The following TAF5L variants were observed in gnomAD, a reference collection of about 807,000 sequenced individuals.
The protein encoded by TAF5L is TAF5-like RNA polymerase II p300/CBP-associated factor-associated factor 65 kDa subunit 5L.
In TAF5L, 7 loss-of-function variants were observed where a neutral mutation model predicts 51.3. The observed-to-expected ratio is 0.14, with a 90% confidence interval of 0.08 to 0.26. The LOEUF (loss-of-function observed/expected upper bound fraction) is 0.26, where lower values mean the gene tolerates loss of function less well. Ranked by LOEUF, TAF5L falls within the 10% of genes least tolerant of loss-of-function variation. The pLI is 1.00. For missense variants in TAF5L, 575 were observed against 758.9 expected, an observed-to-expected ratio of 0.76 and a Z score of 2.85; for synonymous variants, 291 against 308.1, an observed-to-expected ratio of 0.94 and a Z score of 0.58.
At chr1:229,620,209 C>T (rs1665154377) in intron 1 of TAF5L, among the ~76,000 whole-genome samples, 1 of 152,064 alleles carries the variant, frequency 6.6e-6, no homozygotes, top group South Asian at 2.1e-4. Context: ...TGACTGTTTG[C>T]TATTTGACAG....
At chr1:229,606,276 C>G in intron 3 of TAF5L, 1 of 847,854 alleles carries the variant, frequency 1.2e-6, no homozygotes, top group Non-Finnish European at 1.4e-6. Context: ...TATTCCCTTG[C>G]AATCTAACAT....
At chr1:229,609,848 T>C (rs12060575) in intron 3 of TAF5L, among the ~76,000 whole-genome samples, 1,949 of 152,302 alleles carry the variant, frequency 0.013, 42 homozygotes, top group African/African-American at 0.045. Flanking sequence ...TTAAACCTCG[T>C]GATTGAACTC....
intron 4 of TAF5L, chr1:229,601,232 T>C: frequency 1.0e-6 from 1 of 985,426 alleles, no homozygotes; most frequent in South Asian, 4.7e-5. Flanking sequence ...TGGTTTAATT[T>C]AGGGCACCCA....
Position 229,594,197 on chromosome 1 carries a change from G to C in TAF5L, c.*100C>G. 7.6e-7 allele frequency: 1 copy of C among 1,321,468 alleles called. No individual in the cohort carries two copies. Among genetic ancestry groups the C allele is most frequent in the Non-Finnish European group, 1.0e-6 (1 of 969,874 alleles). The allele number at this position is 1,321,468 out of a possible 1,614,324, so 81.9% of individuals were successfully genotyped here. A position where few individuals can be genotyped will look rare whatever the true frequency, so the allele number is the denominator to read the frequency against. On this transcript the variant is annotated 3_prime_UTR_variant, in exon 5 of 5. Coordinates refer to ENST00000258281, the Ensembl canonical transcript of TAF5L. The surrounding 1 kb of genome is among the most constrained non-coding windows in gnomAD (Gnocchi z 7.9). Reference sequence around the variant, plus strand: ...GAGGGCCCAGGAGAGAGGGGAGGAGGGGGCTCTTTCACAGTCAATGATTCA... The same window carrying C: ...GAGGGCCCAGGAGAGAGGGGAGGAGCGGGCTCTTTCACAGTCAATGATTCA...
chr1:229,596,536 A>C (rs1664134117), intron 4 of TAF5L, among the ~76,000 whole-genome samples: 1 of 152,240 alleles, frequency 6.6e-6, no homozygotes, highest in African/African-American at 2.4e-5. Flanking sequence ...GTGGATTCAG[A>C]AGTGCTTGAA....
Position 229,594,151 on chromosome 1 carries a change from G to T in TAF5L, c.*146C>A. On this transcript the variant is annotated 3_prime_UTR_variant, in exon 5 of 5. Transcript: ENST00000258281. The surrounding 1 kb of genome is among the most constrained non-coding windows in gnomAD (Gnocchi z 7.9). ...GGCCTTCGACACTGGGGGGCTGAGT[G>T]AAGGGGGACCTGCCCGGAATGAGGG... 1 of 941,594 alleles carries T rather than the reference G, an allele frequency of 1.1e-6. No homozygotes were observed. The highest frequency in any genetic ancestry group is 1.6e-6 in the Non-Finnish European group (1 of 636,676). The allele number at this position is 941,594 out of a possible 1,614,324, so 58.3% of individuals were successfully genotyped here. A position where few individuals can be genotyped will look rare whatever the true frequency, so the allele number is the denominator to read the frequency against.
At chr1:229,611,716 G>A (rs547063080) in intron 2 of TAF5L, among the ~76,000 whole-genome samples, 5 of 152,210 alleles carry the variant, frequency 3.3e-5, no homozygotes, top group African/African-American at 4.8e-5. Flanking sequence ...ACTGGACTGC[G>A]TCTTTTAACT....
At chr1:229,601,185 C>T (rs1316726486) in intron 4 of TAF5L, 2 of 985,258 alleles carry the variant, frequency 2.0e-6, no homozygotes, top group Non-Finnish European at 2.4e-6. Context: ...GCCATCCTAA[C>T]TGGAAGTGGA....
intron 1 of TAF5L, among the ~76,000 whole-genome samples, chr1:229,619,730 C>G (rs960607551): frequency 6.6e-6 from 1 of 152,180 alleles, no homozygotes; most frequent in Admixed American, 6.5e-5. Context: ...TAACCAGTCA[C>G]TTTCCAGCAC....
intron 2 of TAF5L, among the ~76,000 whole-genome samples, chr1:229,612,548 G>C (rs898745816): frequency 6.6e-6 from 1 of 152,192 alleles, no homozygotes; most frequent in Non-Finnish European, 1.5e-5. Context: ...TTGGTCAAGG[G>C]TATCTCTGAG....
intron 3 of TAF5L, among the ~76,000 whole-genome samples, chr1:229,605,681 A>C (rs1054010541): frequency 6.6e-6 from 1 of 152,130 alleles, no homozygotes; most frequent in East Asian, 1.9e-4. Flanking sequence ...TACCTTCCAT[A>C]AAGTGTGGGC....
intron 4 of TAF5L, chr1:229,599,979 C>T: frequency 1.0e-6 from 1 of 985,462 alleles, no homozygotes. Flanking sequence ...GGCTTCACCA[C>T]TTGCTTTTAC....
intron 1 of TAF5L, among the ~76,000 whole-genome samples, chr1:229,616,141 G>A (rs1664993529): frequency 6.6e-6 from 1 of 152,032 alleles, no homozygotes; most frequent in Admixed American, 6.6e-5. Context: ...AGACTCCCGA[G>A]TAGCTGGGAT....
chr1:229,618,227 A>G (rs1278070880), intron 1 of TAF5L, among the ~76,000 whole-genome samples: 2 of 152,236 alleles, frequency 1.3e-5, no homozygotes, highest in African/African-American at 4.8e-5. Context: ...AGCTTTTCCT[A>G]TAATTATAAA....
chr1:229,597,415 C>T (rs1243148973), intron 4 of TAF5L, among the ~76,000 whole-genome samples: 3 of 152,216 alleles, frequency 2.0e-5, no homozygotes, highest in South Asian at 2.1e-4. Context: ...GGAAACGTGT[C>T]CAGCTGACTC....
At chr1:229,618,227 A>C (rs1278070880) in intron 1 of TAF5L, among the ~76,000 whole-genome samples, 1 of 152,238 alleles carries the variant, frequency 6.6e-6, no homozygotes, top group Non-Finnish European at 1.5e-5. Flanking sequence ...AGCTTTTCCT[A>C]TAATTATAAA....
chr1:229,617,987 G>T (rs1471933540), intron 1 of TAF5L, among the ~76,000 whole-genome samples: 1 of 152,110 alleles, frequency 6.6e-6, no homozygotes, highest in Non-Finnish European at 1.5e-5. Context: ...TCAAATACTA[G>T]AGACACGACC....
intron 4 of TAF5L, chr1:229,599,813 G>A (rs1664296853): frequency 2.0e-6 from 2 of 984,922 alleles, no homozygotes; most frequent in Non-Finnish European, 1.2e-6. Context: ...GGAATTGCTG[G>A]GTGTGAACAC....
Position 229,594,779 on chromosome 1 carries a change from C to G in TAF5L, c.1288G>C (p.Asp430His), listed in dbSNP as rs771062728. ...GAATTAGGGTGGAATTTGACACAGT[C>G]CACATCTGCCAGGTGTCCTGCATAT... The change falls in exon 5 of 5, where the codon GAC becomes CAC. Residue 430 changes from aspartate (D) to histidine (H), a missense_variant. By Grantham distance (81) the Asp-to-His change is moderately conservative (BLOSUM62 -1). Around this residue, in one of 3 missense-constraint regions of TAF5L, gnomAD observed 104 missense variants for 218.3 expected, o/e 0.48. Coordinates refer to ENST00000258281, the Ensembl canonical transcript of TAF5L. The surrounding 1 kb of genome is among the most constrained non-coding windows in gnomAD (Gnocchi z 7.9). The G allele has an allele frequency of 6.2e-7, 1 of 1,614,214 alleles. No individual in the cohort carries two copies. Among genetic ancestry groups the G allele is most frequent in the East Asian group, 2.2e-5 (1 of 44,878 alleles).
Sources: gnomAD v4.1 joint callset for allele counts (sites outside exome capture counted in the v4.1 genomes callset) on GRCh38, gnomAD v4.1.1 for gene constraint, gnomAD v4.1.1 regional missense constraint, Gnocchi (gnomAD v3.1) non-coding constraint, MANE v1.5 for transcripts, NCBI Gene and HGNC (gene_info 2026-07-23, HGNC 2026-07-21) for gene names.